Variants in RGS7 observed in about 807,000 individuals in gnomAD.
RGS7 encodes the protein regulator of G protein signaling 7.
Under a neutral mutation model 81.1 loss-of-function variants are expected in RGS7, and 27 were observed. The ratio of observed to expected loss-of-function variants is 0.33; its 90% CI spans 0.25 to 0.46. The LOEUF is 0.46. RGS7 is among the 20% of genes least tolerant of loss of function. RGS7 has a pLI of 1.00. For synonymous variants in RGS7, 208 were observed against 207.7 expected (o/e 1.00, Z -0.01); for missense variants, 396 against 607.4 (o/e 0.65, Z 3.66).
intron 2 of RGS7, among the ~76,000 whole-genome samples, chr1:241,252,893 C>G (rs2076901428): frequency 6.6e-6 from 1 of 152,146 alleles, no homozygotes; most frequent in Admixed American, 6.5e-5. Context: ...CCCCCCTTAT[C>G]CTCGGACTTG....
At chr1:241,027,300 G>A (rs986535489) in intron 3 of RGS7, among the ~76,000 whole-genome samples, 1 of 152,092 alleles carries the variant, frequency 6.6e-6, no homozygotes, top group African/African-American at 2.4e-5. Flanking sequence ...AACTTGGGAA[G>A]TGAGCAGAGA....
chr1:240,973,588 C>T (rs1242277609), intron 4 of RGS7, among the ~76,000 whole-genome samples: 1 of 151,916 alleles, frequency 6.6e-6, no homozygotes, highest in East Asian at 1.9e-4. Context: ...TCAAAGATAA[C>T]AGAGACATTC....
chr1:240,948,280 T>G (rs1232276487), intron 4 of RGS7, among the ~76,000 whole-genome samples: 1 of 152,184 alleles, frequency 6.6e-6, no homozygotes, highest in Non-Finnish European at 1.5e-5. Context: ...GTTTGTTTGC[T>G]TGATCTACTC....
At chr1:241,042,463 TTTTTA>T (rs763616941) in intron 3 of RGS7, among the ~76,000 whole-genome samples, 1 of 152,226 alleles carries the variant, frequency 6.6e-6, no homozygotes, top group Non-Finnish European at 1.5e-5. Context: ...ATATGTCTCT[TTTTTA>T]TTTTACTAGT....
chr1:241,162,302 A>C (rs2069785143), intron 2 of RGS7, among the ~76,000 whole-genome samples: 1 of 150,384 alleles, frequency 6.6e-6, no homozygotes, highest in Admixed American at 6.7e-5. Context: ...TTTAACTGGT[A>C]TATGAGCTTC....
chr1:240,979,296 T>A (rs988197850), intron 4 of RGS7, among the ~76,000 whole-genome samples: 1 of 152,186 alleles, frequency 6.6e-6, no homozygotes, highest in Non-Finnish European at 1.5e-5. Context: ...CATTTTCATA[T>A]ATGTAAACAA....
intron 2 of RGS7, among the ~76,000 whole-genome samples, chr1:241,333,701 G>A (rs1573725878): frequency 6.6e-6 from 1 of 152,184 alleles, no homozygotes; most frequent in East Asian, 1.9e-4. Flanking sequence ...AGCGAATTAA[G>A]GGAATTCACT....
rs13374627 is a variant in RGS7 at position 241,334,697 on chromosome 1, A to G, written c.78+21002T>C. On this transcript the variant is annotated intron_variant, in intron 2 of 18. Transcript: ENST00000440928. ...TTTCTAAAGTAACATAAAAATATCC[A>G]TGGATTTTTCACTTTCCTTTGAATG... Among the ~76,000 whole-genome samples, 1,312 of 152,206 alleles carry G rather than the reference A, an allele frequency of 8.6e-3. 15 individuals are homozygous for G. Among genetic ancestry groups the G allele is most frequent in the African/African-American group, 0.03 (1,263 of 41,514 alleles).
chr1:240,813,767 G>T (rs1292605542), intron 12 of RGS7, 39 bp from the exon 13 acceptor site: 1 of 1,342,536 alleles, frequency 7.4e-7, no homozygotes, highest in East Asian at 2.3e-5. Context: ...TTAGTTTTCT[G>T]ACTGGGGTTG....
intron 4 of RGS7, among the ~76,000 whole-genome samples, chr1:240,960,217 C>CTTTTTTTTTT (rs750366747): frequency 4.5e-4 from 4 of 8,946 alleles, no homozygotes; most frequent in Non-Finnish European, 7.8e-4. Context: ...TCTTCTTCTT[C>CTTTTTTTTTT]TTTTTTTTTT....
chr1:240,975,126 G>A (rs1165860127), intron 4 of RGS7, among the ~76,000 whole-genome samples: 1 of 152,128 alleles, frequency 6.6e-6, no homozygotes, highest in Non-Finnish European at 1.5e-5. Flanking sequence ...AAATGCGGCC[G>A]GGTGCGGTGG....
rs148358652 is a variant in RGS7 at position 240,960,425 on chromosome 1, G to A, written c.226+22654C>T. ...TGCCCAGCTAATTTTTGTATTTTTTGTAGACATAGGGTTTCACCATGTCAC... is the reference window on the plus strand; with the variant it reads ...TGCCCAGCTAATTTTTGTATTTTTTATAGACATAGGGTTTCACCATGTCAC... On this transcript the variant is annotated intron_variant, in intron 4 of 18. Transcript: ENST00000440928. Among the ~76,000 whole-genome samples, 266 of 150,412 alleles carry A rather than the reference G, an allele frequency of 1.8e-3. 2 individuals are homozygous for A. Among genetic ancestry groups the A allele is most frequent in the African/African-American group, 6.3e-3 (259 of 41,024 alleles).
intron 2 of RGS7, among the ~76,000 whole-genome samples, chr1:241,246,323 ACT>A (rs1277168965): frequency 6.6e-6 from 1 of 152,108 alleles, no homozygotes; most frequent in African/African-American, 2.4e-5. Context: ...GTCTTTTTCC[ACT>A]TGTCATATAT....
intron 2 of RGS7, among the ~76,000 whole-genome samples, chr1:241,222,497 G>A (rs2075070139): frequency 1.3e-5 from 2 of 152,168 alleles, no homozygotes; most frequent in South Asian, 2.1e-4. Context: ...AACCAAGAGG[G>A]TTCTGTTGGT....
At chr1:241,308,175 G>C (rs1410702316) in intron 2 of RGS7, among the ~76,000 whole-genome samples, 2 of 151,902 alleles carry the variant, frequency 1.3e-5, no homozygotes, top group Non-Finnish European at 2.9e-5. Flanking sequence ...GAATGAGGGG[G>C]ACATTGAGTG....
intron 18 of RGS7, among the ~76,000 whole-genome samples, chr1:240,777,204 C>T (rs1233444865): frequency 6.6e-6 from 1 of 152,018 alleles, no homozygotes; most frequent in East Asian, 1.9e-4. Flanking sequence ...ATCACTTGAA[C>T]CCAGGACGCG....
At chr1:240,793,611 A>ATATATATATATATATTTTTTTTTT in intron 18 of RGS7, among the ~76,000 whole-genome samples, 18 of 78,802 alleles carry the variant, frequency 2.3e-4, no homozygotes, top group African/African-American at 1.7e-3. Context: ...ATATATATAT[A>ATATATATATATATATTTTTTTTTT]TTTTTTTTTT....
chr1:241,159,465 C>A (rs1335776095), intron 2 of RGS7, among the ~76,000 whole-genome samples: 1 of 152,112 alleles, frequency 6.6e-6, no homozygotes, highest in Non-Finnish European at 1.5e-5. Flanking sequence ...TTTCCAAATT[C>A]TCCAGGGAAA....
intron 2 of RGS7, among the ~76,000 whole-genome samples, chr1:241,152,166 C>A (rs1170542198): frequency 6.7e-6 from 1 of 149,328 alleles, no homozygotes; most frequent in Non-Finnish European, 1.5e-5. Context: ...GATCTTTGGG[C>A]AAGCCAAAGT....
Sources: gnomAD v4.1 joint callset for allele counts (sites outside exome capture counted in the v4.1 genomes callset) on GRCh38, gnomAD v4.1.1 for gene constraint, MANE v1.5 for transcripts, NCBI Gene and HGNC (gene_info 2026-07-23, HGNC 2026-07-21) for gene names.